Variants in DLG5 observed in about 807,000 individuals in gnomAD.
DLG5 encodes the protein discs large MAGUK scaffold protein 5.
A neutral mutation model predicts 189.8 loss-of-function variants in DLG5; 48 were observed. The observed-to-expected ratio is 0.25, with a 90% CI of 0.20 to 0.32. The LOEUF is 0.32. Ranked by LOEUF, DLG5 falls within the 10% of genes least tolerant of loss-of-function variation. DLG5 has a pLI of 1.00. For synonymous variants in DLG5, 1,016 were observed against 1,054.1 expected (o/e 0.96, Z 0.70); for missense variants, 2,160 against 2,544.7 (o/e 0.85, Z 3.25).
chr10:77,859,354 G>A (rs566301275), intron 2 of DLG5, among the ~76,000 whole-genome samples: 2 of 152,330 alleles, frequency 1.3e-5, no homozygotes, highest in East Asian at 1.9e-4. Flanking sequence ...CTACAGCGGT[G>A]TACAGTCATG....
In DLG5 at chr10:77,804,477, T is replaced by C. The variant is rs376082539; in HGVS notation, c.5164+1188A>G. On this transcript the variant is annotated intron_variant, in intron 27 of 31. Coordinates refer to ENST00000372391, the MANE Select transcript of DLG5 (RefSeq NM_004747.4). The stretch of plus-strand genomic sequence containing the variant: ...CTCCCTAGGCCTAAGGTCTTCATTG[T>C]AAAAAGCGAAGAGAGGGAGGGAGGC... Among the ~76,000 whole-genome samples, 113 of 152,238 alleles carry C rather than the reference T, an allele frequency of 7.4e-4. 1 individual carries two copies. The South Asian group carries it at 0.022, about 29-fold the overall frequency.
In DLG5 at chr10:77,796,248, G is replaced by A. The variant is rs1020597515; in HGVS notation, c.5309-60C>T. The A allele has an allele frequency of 3.7e-6, 6 of 1,612,300 alleles. No individual in the cohort carries two copies. Among genetic ancestry groups the A allele is most frequent in the Non-Finnish European group, 5.1e-6 (6 of 1,179,324 alleles). ...AGGCCCTGCTGAGCCCCAGCAGAGG[G>A]AGCAGGGGAAGAACACTGCTCAGCA... is the stretch of plus-strand genomic sequence containing the variant. On this transcript the variant is annotated intron_variant, in intron 28 of 31. Transcript: ENST00000372391. This position sits in a 1 kb window ranked among gnomAD's most constrained non-coding sequence, Gnocchi z 5.2.
In DLG5 at chr10:77,812,664, G is replaced by A. The variant is rs138776515; in HGVS notation, c.4026-287C>T. On this transcript the variant is annotated intron_variant, in intron 20 of 31. Coordinates refer to ENST00000372391, the MANE Select transcript of DLG5 (RefSeq NM_004747.4). ...GTGAACTATAAACACTGATACATGT[G>A]GATTTTCATTACAGGAGAGGAGCTG... 5.9e-5 allele frequency among the ~76,000 whole-genome samples: 9 copies of A among 152,302 alleles called. No individual in the cohort carries two copies. The East Asian group carries it at 1.7e-3, about 29-fold the overall frequency.
chr10:77,931,244 T>G (rs1846783787), upstream of DLG5, among the ~76,000 whole-genome samples: 1 of 151,868 alleles, frequency 6.6e-6, no homozygotes, highest in African/African-American at 2.4e-5. Context: ...CGTGAGCCAC[T>G]GTGCCCCGCC....
the DLG5 span, among the ~76,000 whole-genome samples, chr10:77,936,447 A>C: frequency 5.6e-5 from 3 of 53,102 alleles, no homozygotes; most frequent in Non-Finnish European, 1.1e-4. Flanking sequence ...AAAACAAAAC[A>C]AAAAAAAAAA....
At chr10:77,869,864 G>A (rs187170259) in intron 1 of DLG5, among the ~76,000 whole-genome samples, 7 of 152,088 alleles carry the variant, frequency 4.6e-5, no homozygotes, top group African/African-American at 1.4e-4. Context: ...TCCCAGCACC[G>A]GGAAGCCCAG....
At chr10:77,867,078 G>T in intron 2 of DLG5, 1 of 456,880 alleles carries the variant, frequency 2.2e-6, no homozygotes, top group South Asian at 1.5e-5. Context: ...TACTGTTGAC[G>T]GCTCCATCGC....
At position 77,809,520 on chromosome 10, in the gene DLG5, TG is replaced by T. The variant is rs755033818; in HGVS notation, c.4647+26del. 14 of 1,597,346 alleles carry T rather than the reference TG, an allele frequency of 8.8e-6. No homozygotes were observed. The Middle Eastern group carries it at 1.7e-3, about 197-fold the overall frequency. On this transcript the variant is annotated intron_variant, in intron 24 of 31. Transcript: ENST00000372391. Reference sequence around the variant, plus strand: ...CCCACTGTGCAGGTAGATGGAGGCCTGGCCTGCTCAGCAGCTCAGAACTCAC... The same window carrying T: ...CCCACTGTGCAGGTAGATGGAGGCCTGCCTGCTCAGCAGCTCAGAACTCAC...
rs887942632 is a variant in DLG5, at chr10:77,807,776, G to A, written c.4796+20C>T. On this transcript the variant is annotated intron_variant, in intron 25 of 31. Coordinates refer to ENST00000372391, the MANE Select transcript of DLG5 (RefSeq NM_004747.4). ...CTCCTCTGGTTCCAAATCTCCCACC[G>A]ATTCCCCAGCCACTGGTACCTGATG... 38 of 1,607,686 alleles carry A rather than the reference G, an allele frequency of 2.4e-5. No individual in the cohort carries two copies. Among genetic ancestry groups the A allele is most frequent in the African/African-American group, 9.4e-5 (7 of 74,782 alleles).
At chr10:77,833,802 G>A (rs1312797316) in intron 9 of DLG5, 112 bp downstream of exon 9, 21 of 1,467,468 alleles carry the variant, frequency 1.4e-5, no homozygotes, top group African/African-American at 5.6e-5. Flanking sequence ...CCAGCTCGAC[G>A]CAGAAGGATG....
At chr10:77,862,446 C>T (rs930314930) in intron 2 of DLG5, among the ~76,000 whole-genome samples, 1 of 152,184 alleles carries the variant, frequency 6.6e-6, no homozygotes, top group African/African-American at 2.4e-5. Flanking sequence ...AGCAATGCCA[C>T]CAAATGCTGG....
chr10:77,933,668 G>C, the DLG5 span, among the ~76,000 whole-genome samples: 2 of 151,762 alleles, frequency 1.3e-5, no homozygotes, highest in African/African-American at 4.8e-5. Flanking sequence ...AGGTTGCAGT[G>C]AGGAGAGATC....
intron 6 of DLG5, 96 bp from the exon 7 acceptor site, chr10:77,842,289 A>AC: frequency 7.0e-7 from 1 of 1,424,648 alleles, no homozygotes; most frequent in South Asian, 1.3e-5. Context: ...ACTGTGCTGG[A>AC]CAGTCAAGCG....
rs987896184 is a variant in DLG5, at chr10:77,853,540, G to A, written c.681-3C>T. The A allele has an allele frequency of 3.8e-6, 6 of 1,588,326 alleles. No individual in the cohort carries two copies. Among genetic ancestry groups the A allele is most frequent in the Admixed American group, 1.7e-5 (1 of 59,088 alleles). ...TCAGGAGCCGGCTGTGGAGTGTGCTGAAACACCCGGTACATGCTCAGTGAG... is the reference window on the plus strand; with the variant it reads ...TCAGGAGCCGGCTGTGGAGTGTGCTAAAACACCCGGTACATGCTCAGTGAG... On this transcript the variant is annotated splice_region_variant and splice_polypyrimidine_tract_variant and intron_variant, in intron 4 of 31. Transcript: ENST00000372391.
At chr10:77,814,464 TATATATATATATATATATATA>T (rs1568135445) in intron 20 of DLG5, among the ~76,000 whole-genome samples, 60 of 30,094 alleles carry the variant, frequency 2.0e-3, no homozygotes, top group African/African-American at 4.4e-3. Flanking sequence ...AGCATGTTTA[TATATATATATATATATATATA>T]TATATATATA....
intron 13 of DLG5, among the ~76,000 whole-genome samples, chr10:77,826,159 C>A (rs1449304279): frequency 6.6e-6 from 1 of 152,160 alleles, no homozygotes; most frequent in African/African-American, 2.4e-5. Context: ...CAGGAATGTA[C>A]CCCAGGGCAC....
At chr10:77,918,222 C>G (rs1294622864) in intron 1 of DLG5, among the ~76,000 whole-genome samples, 1 of 152,034 alleles carries the variant, frequency 6.6e-6, no homozygotes, top group Non-Finnish European at 1.5e-5. Context: ...ACCAGCCTGG[C>G]CAACATGGGG....
At chr10:77,808,025 A>G in intron 24 of DLG5, 81 bp from the exon 25 acceptor site, 3 of 1,530,154 alleles carry the variant, frequency 2.0e-6, no homozygotes, top group Non-Finnish European at 2.7e-6. Context: ...AGTGCTGACC[A>G]TACGGCAGAA....
chr10:77,884,382 G>A (rs933542194), intron 1 of DLG5, among the ~76,000 whole-genome samples: 8 of 152,154 alleles, frequency 5.3e-5, no homozygotes, highest in African/African-American at 1.7e-4. Flanking sequence ...GCATCACACC[G>A]CCTGCCTGAG....
Sources: gnomAD v4.1 joint callset for allele counts (sites outside exome capture counted in the v4.1 genomes callset) on GRCh38, gnomAD v4.1.1 for gene constraint, Gnocchi (gnomAD v3.1) non-coding constraint, MANE v1.5 for transcripts, NCBI Gene and HGNC (gene_info 2026-07-23, HGNC 2026-07-21) for gene names.